CENPW: variants seen among roughly 807,000 people sequenced by gnomAD.
CENPW encodes the protein centromere protein W, also known as cancer-up-regulated gene 2 protein.
CENPW carries 3 observed loss-of-function variants against 11.1 expected under a neutral mutation model. The ratio of observed to expected loss-of-function variants is 0.27; its 90% confidence interval spans 0.12 to 0.70. The LOEUF (loss-of-function observed/expected upper bound fraction) is 0.70, where lower values mean the gene tolerates loss of function less well. Among genes scored for constraint, CENPW ranks in the 30% least tolerant of loss-of-function variants. CENPW has a pLI of 0.77. For synonymous variants in CENPW, 38 were observed against 42.0 expected, an observed-to-expected ratio of 0.91 and a Z score of 0.37; for missense variants, 100 against 105.6, an observed-to-expected ratio of 0.95 and a Z score of 0.23.
the CENPW span, among the ~76,000 whole-genome samples, chr6:126,479,627 TTCA>T: frequency 6.6e-6 from 1 of 152,014 alleles, no homozygotes; most frequent in South Asian, 2.1e-4. Context: ...ACAGATGTCT[TTCA>T]CATATATTTT....
At chr6:126,416,786 A>G in the CENPW span, among the ~76,000 whole-genome samples, 1 of 152,208 alleles carries the variant, frequency 6.6e-6, no homozygotes, top group Non-Finnish European at 1.5e-5. Context: ...CAAAGGATGT[A>G]TGGAAATGCC....
At chr6:126,387,966 T>C in the CENPW span, among the ~76,000 whole-genome samples, 3 of 152,084 alleles carry the variant, frequency 2.0e-5, no homozygotes, top group East Asian at 5.8e-4. Flanking sequence ...ATAATATTTA[T>C]GGCCTTGCAG....
chr6:126,430,375 A>T, the CENPW span, among the ~76,000 whole-genome samples: 4 of 152,260 alleles, frequency 2.6e-5, no homozygotes, highest in Non-Finnish European at 5.9e-5. Flanking sequence ...TTTAAACTTT[A>T]ATTTAGTATA....
At chr6:126,349,784 A>C (rs143630558), downstream of CENPW, among the ~76,000 whole-genome samples, 16 of 152,270 alleles carry the variant, frequency 1.1e-4, no homozygotes, top group African/African-American at 3.8e-4. Context: ...GCAGGATTTT[A>C]TATGGACATA....
chr6:126,408,257 T>C, the CENPW span, among the ~76,000 whole-genome samples: 8 of 152,090 alleles, frequency 5.3e-5, no homozygotes, highest in East Asian at 1.3e-3. Flanking sequence ...GACTGGGTAA[T>C]TGATAAAGAA....
the CENPW span, among the ~76,000 whole-genome samples, chr6:126,386,559 G>A: frequency 6.6e-6 from 1 of 151,998 alleles, no homozygotes; most frequent in Non-Finnish European, 1.5e-5. Flanking sequence ...ATTTTAATGG[G>A]TTTGTGTTTC....
At chr6:126,471,992 G>A in the CENPW span, among the ~76,000 whole-genome samples, 1 of 152,064 alleles carries the variant, frequency 6.6e-6, no homozygotes, top group Admixed American at 6.6e-5. Flanking sequence ...TTCAACAAAA[G>A]CTCATTTTAA....
chr6:126,402,055 T>C, the CENPW span, among the ~76,000 whole-genome samples: 1 of 152,102 alleles, frequency 6.6e-6, no homozygotes, highest in East Asian at 1.9e-4. Flanking sequence ...GAACCTGGAC[T>C]CCATGATGGG....
the CENPW span, among the ~76,000 whole-genome samples, chr6:126,416,380 G>A: frequency 6.6e-6 from 1 of 152,122 alleles, no homozygotes; most frequent in Non-Finnish European, 1.5e-5. Context: ...CTGACAATGT[G>A]ATAGAAAAGA....
downstream of CENPW, among the ~76,000 whole-genome samples, chr6:126,352,089 G>A (rs188866331): frequency 6.6e-6 from 1 of 152,068 alleles, no homozygotes; most frequent in Admixed American, 6.5e-5. Flanking sequence ...GCCATCCAGG[G>A]GCCATGCTTC....
chr6:126,397,941 G>A, the CENPW span, among the ~76,000 whole-genome samples: 1 of 151,980 alleles, frequency 6.6e-6, no homozygotes. Context: ...TATACCTTCT[G>A]TGGAGCTGAT....
chr6:126,403,148 A>T, the CENPW span, among the ~76,000 whole-genome samples: 1 of 152,114 alleles, frequency 6.6e-6, no homozygotes, highest in Admixed American at 6.6e-5. Context: ...CAATCAACTA[A>T]GTGTTTCCCT....
At chr6:126,389,454 G>T in the CENPW span, among the ~76,000 whole-genome samples, 1 of 151,754 alleles carries the variant, frequency 6.6e-6, no homozygotes, top group South Asian at 2.1e-4. Flanking sequence ...CTCTAGTTAT[G>T]TCCCTAGAGA....
At chr6:126,372,451 T>G in the CENPW span, among the ~76,000 whole-genome samples, 33 of 152,316 alleles carry the variant, frequency 2.2e-4, no homozygotes, top group African/African-American at 7.5e-4. Context: ...TAATAATACT[T>G]GCGATCTCAG....
At chr6:126,453,066 G>A in the CENPW span, among the ~76,000 whole-genome samples, 2 of 151,092 alleles carry the variant, frequency 1.3e-5, no homozygotes, top group Non-Finnish European at 3.0e-5. Flanking sequence ...TGAAATTACA[G>A]TAAAATAGAC....
chr6:126,433,249 G>A, the CENPW span, among the ~76,000 whole-genome samples: 1 of 152,112 alleles, frequency 6.6e-6, no homozygotes, highest in Non-Finnish European at 1.5e-5. Context: ...TCTAGAAAAG[G>A]TATTTCTATG....
chr6:126,466,842 C>A, the CENPW span, among the ~76,000 whole-genome samples: 1 of 152,022 alleles, frequency 6.6e-6, no homozygotes, highest in Non-Finnish European at 1.5e-5. Context: ...TATAGACCAA[C>A]AAGAGCCAAA....
the CENPW span, among the ~76,000 whole-genome samples, chr6:126,397,838 G>A: frequency 7.1e-3 from 1,082 of 152,112 alleles, 13 homozygotes; most frequent in African/African-American, 0.024. Context: ...CCTCAACCTT[G>A]CCATGCTTTC....
chr6:126,419,528 T>C, the CENPW span, among the ~76,000 whole-genome samples: 3 of 152,228 alleles, frequency 2.0e-5, no homozygotes, highest in Admixed American at 2.0e-4. Context: ...AAATAACAAA[T>C]AAATAAAACA....
Sources: allele counts gnomAD v4.1 joint callset (sites outside exome capture counted in the v4.1 genomes callset), GRCh38; gene constraint gnomAD v4.1.1; transcripts MANE v1.5; gene names NCBI Gene and HGNC (gene_info 2026-07-23, HGNC 2026-07-21).